The following RBM10 variants were observed in gnomAD, a reference collection of about 807,000 sequenced individuals.
The protein encoded by RBM10 is RNA-binding protein 10.
RBM10 carries 1 observed loss-of-function variant against 84.9 expected under a neutral mutation model. The ratio of observed to expected loss-of-function variants is 0.01; its 90% confidence interval spans 0.00 to 0.06. The LOEUF is 0.06. Ranked by LOEUF, RBM10 falls within the 10% of genes least tolerant of loss-of-function variation. RBM10 has a pLI of 1.00. For synonymous variants in RBM10, 326 were observed against 344.5 expected, an observed-to-expected ratio of 0.95 and a Z score of 0.60; for missense variants, 438 against 839.0, an observed-to-expected ratio of 0.52 and a Z score of 5.90.
At chrX:47,167,249 A>G in intron 2 of RBM10, among the ~76,000 whole-genome samples, 1 of 109,153 alleles carries the variant, frequency 9.2e-6, no homozygotes, top group Non-Finnish European at 1.9e-5. Flanking sequence ...AAGCAAAAGT[A>G]TTTTATTTTT....
intron 2 of RBM10, among the ~76,000 whole-genome samples, chrX:47,168,943 A>G (rs1170194402): frequency 1.8e-5 from 2 of 111,368 alleles, no homozygotes; most frequent in Non-Finnish European, 3.8e-5. Context: ...GGCATGGACC[A>G]GAGAGTGACA....
intron 5 of RBM10, among the ~76,000 whole-genome samples, chrX:47,174,339 C>T (rs1190018140): frequency 9.0e-6 from 1 of 111,481 alleles, no homozygotes; most frequent in Non-Finnish European, 1.9e-5. Flanking sequence ...TCCAGGGGAA[C>T]CTGGACTGTT....
chrX:47,174,941 G>T, intron 5 of RBM10, 78 bp from the exon 6 acceptor site: 1 of 827,800 alleles, frequency 1.2e-6, no homozygotes, highest in Non-Finnish European at 1.8e-6. Flanking sequence ...CTCTCCCCTC[G>T]GGTCCCGCCC....
rs1296093267 is a variant in RBM10, at chrX:47,185,387, A to C, written c.2166+20A>C. 1 of 1,186,933 alleles carries C rather than the reference A, an allele frequency of 8.4e-7. No homozygotes were observed. Among genetic ancestry groups the C allele is most frequent in the Non-Finnish European group, 1.1e-6 (1 of 882,929 alleles). On this transcript the variant is annotated intron_variant, in intron 19 of 23. Coordinates refer to ENST00000377604, the MANE Select transcript of RBM10 (RefSeq NM_005676.5). ...CGCCCAGTGAGTGCCCAAGGCAGAG[A>C]GGGGCGGGGGCTCTGATCTGGCCAG...
intron 2 of RBM10, among the ~76,000 whole-genome samples, chrX:47,166,672 G>A (rs571589798): frequency 9.1e-6 from 1 of 109,964 alleles, no homozygotes; most frequent in Middle Eastern, 4.6e-3. Flanking sequence ...GTAAAGACGG[G>A]ATCTTGCTAT....
intron 6 of RBM10, among the ~76,000 whole-genome samples, chrX:47,175,711 A>G (rs1254965387): frequency 9.0e-6 from 1 of 110,883 alleles, no homozygotes; most frequent in East Asian, 2.9e-4. Context: ...CGCAGGAGGC[A>G]CCACCTCAGG....
chrX:47,169,363 G>A lies in RBM10; in HGVS notation c.66G>A (p.Ser22=), dbSNP rs1556770641. 5.8e-6 allele frequency: 7 copies of A among 1,210,305 alleles called. No individual in the cohort carries two copies. Among genetic ancestry groups the A allele is most frequent in the East Asian group, 3.0e-5 (1 of 33,735 alleles). Residue 22 remains serine, a synonymous_variant, in exon 3 of 24, where the codon TCG becomes TCA. Transcript: ENST00000377604. ...RTGRYGATDR[S]QDDGGENRSR... is the part of the protein sequence containing the mutation. ...GCCGCTATGGAGCCACTGACCGCTC[G>A]CAGGATGATGGTGGGGAGAACCGCA...
chrX:47,168,909 A>T (rs782143572), intron 2 of RBM10, among the ~76,000 whole-genome samples: 1 of 111,530 alleles, frequency 9.0e-6, no homozygotes, highest in South Asian at 3.8e-4. Context: ...GCCACAACCA[A>T]GGTGCCCCAT....
intron 5 of RBM10, 106 bp from the exon 6 acceptor site, chrX:47,174,913 C>T (rs1229946375): frequency 8.6e-6 from 5 of 580,916 alleles, no homozygotes; most frequent in Non-Finnish European, 1.5e-5. Context: ...CTTCCCCTTT[C>T]CCTCTCTGCC....
chrX:47,169,856 G>A (rs7883769), intron 3 of RBM10, among the ~76,000 whole-genome samples: 3,386 of 112,202 alleles, frequency 0.03, 155 homozygotes, highest in African/African-American at 0.1. Context: ...CCCGGCGTCT[G>A]GGGTTGGGAG....
intron 14 of RBM10, 41 bp from the exon 15 acceptor site, chrX:47,181,708 C>T (rs782619774): frequency 1.7e-6 from 2 of 1,209,719 alleles, no homozygotes; most frequent in Non-Finnish European, 2.2e-6. Flanking sequence ...GTGGCATGGG[C>T]AGACACTGAG....
intron 6 of RBM10, among the ~76,000 whole-genome samples, chrX:47,175,723 A>G: frequency 9.0e-6 from 1 of 111,049 alleles, no homozygotes; most frequent in Middle Eastern, 4.6e-3. Flanking sequence ...CACCTCAGGC[A>G]GCTCTGTCTT....
At chrX:47,185,979 C>T (rs1935875099) in intron 21 of RBM10, 86 bp from the exon 22 acceptor site, 1 of 1,148,317 alleles carries the variant, frequency 8.7e-7, no homozygotes, top group South Asian at 1.9e-5. Context: ...AGATGGCATG[C>T]CCTGTGGGAC....
rs539186068 is a variant in RBM10, at chrX:47,150,063, C to G, written c.17+2565C>G. On this transcript the variant is annotated intron_variant, in intron 2 of 23. Coordinates refer to ENST00000377604, the MANE Select transcript of RBM10 (RefSeq NM_005676.5). Reference sequence around the variant, plus strand: ...TCTCGAACTCCTGACCTCAGGTGATCCGCCTGCCTCGGCCTCCCAAAGTGT... The same window carrying G: ...TCTCGAACTCCTGACCTCAGGTGATGCGCCTGCCTCGGCCTCCCAAAGTGT... 3.6e-5 allele frequency among the ~76,000 whole-genome samples: 4 copies of G among 110,789 alleles called. 1 individual carries two copies. In the South Asian group the frequency reaches 1.1e-3, roughly 31 times the overall value.
intron 17 of RBM10, 99 bp downstream of exon 17, chrX:47,182,425 G>A: frequency 9.1e-7 from 1 of 1,097,491 alleles, no homozygotes; most frequent in African/African-American, 1.8e-5. Flanking sequence ...GGAGATGGCG[G>A]GCAGGTGTGG....
At chrX:47,183,168 G>T (rs899517120) in intron 17 of RBM10, among the ~76,000 whole-genome samples, 3 of 111,776 alleles carry the variant, frequency 2.7e-5, no homozygotes, top group African/African-American at 9.8e-5. Flanking sequence ...AGAAAATTGG[G>T]CCAAACTCCC....
intron 2 of RBM10, among the ~76,000 whole-genome samples, chrX:47,156,046 T>A (rs1556765132): frequency 9.1e-6 from 1 of 110,007 alleles, no homozygotes; most frequent in East Asian, 2.9e-4. Context: ...CGACCTCAGG[T>A]GATCTGCCTG....
At chrX:47,168,287 G>T (rs926690146) in intron 2 of RBM10, among the ~76,000 whole-genome samples, 1 of 111,721 alleles carries the variant, frequency 9.0e-6, no homozygotes, top group Non-Finnish European at 1.9e-5. Context: ...AGTGGTGGAC[G>T]CCTGTAATCC....
chrX:47,166,670 G>A (rs1370790340), intron 2 of RBM10, among the ~76,000 whole-genome samples: 2 of 110,091 alleles, frequency 1.8e-5, no homozygotes, highest in Admixed American at 9.8e-5. Flanking sequence ...TTGTAAAGAC[G>A]GGATCTTGCT....
Sources: allele counts gnomAD v4.1 joint callset (sites outside exome capture counted in the v4.1 genomes callset), GRCh38; gene constraint gnomAD v4.1.1; transcripts MANE v1.5; gene names NCBI Gene and HGNC (gene_info 2026-07-23, HGNC 2026-07-21).